PCDHGA3: variants seen among roughly 807,000 people sequenced by gnomAD.
PCDHGA3 encodes protocadherin gamma subfamily A, 3.
Under a neutral mutation model 58.5 loss-of-function variants are expected in PCDHGA3, and 40 were observed. The ratio of observed to expected loss-of-function variants is 0.68; its 90% CI spans 0.53 to 0.89. The LOEUF is 0.89. Among genes scored for constraint, PCDHGA3 ranks in the 40% least tolerant of loss-of-function variants. The pLI, the probability that PCDHGA3 is intolerant of heterozygous loss-of-function variation, is 0.00. For synonymous variants in PCDHGA3, 530 were observed against 525.7 expected, an observed-to-expected ratio of 1.01 and a Z score of -0.11; for missense variants, 1,223 against 1,195.9, an observed-to-expected ratio of 1.02 and a Z score of -0.33.
At chr5:141,458,359 A>C (rs2098943826) in intron 1 of PCDHGA3, among the ~76,000 whole-genome samples, 1 of 152,142 alleles carries the variant, frequency 6.6e-6, no homozygotes, top group Non-Finnish European at 1.5e-5. Context: ...AATAAGCAAG[A>C]AGGAAGGGAG....
intron 1 of PCDHGA3, among the ~76,000 whole-genome samples, chr5:141,459,220 A>G (rs1234283814): frequency 6.6e-6 from 1 of 152,234 alleles, no homozygotes; most frequent in Non-Finnish European, 1.5e-5. Flanking sequence ...CTCCAGCTCC[A>G]GGCAACAACT....
In PCDHGA3 at chr5:141,423,718, A is replaced by G. The variant is rs1450410707; in HGVS notation, c.2425-71089A>G. The G allele has an allele frequency of 4.8e-6, 5 of 1,049,028 alleles. No homozygotes were observed. In the East Asian group the frequency reaches 2.9e-4, roughly 60 times the overall value. 65.0% of individuals were successfully genotyped at this position (1,049,028 alleles called of 1,614,324 possible). On this transcript the variant is annotated intron_variant, in intron 1 of 3. Coordinates refer to ENST00000253812, the MANE Select transcript of PCDHGA3 (RefSeq NM_018916.4). The stretch of plus-strand genomic sequence containing the variant: ...GTGTCTTGGCACAAGTCTTTTAAGG[A>G]GATGTTTTTTGAGCCTGTTATGAAA...
intron 1 of PCDHGA3, among the ~76,000 whole-genome samples, chr5:141,462,223 G>A (rs563764515): frequency 2.0e-5 from 3 of 152,144 alleles, no homozygotes; most frequent in Admixed American, 2.0e-4. Flanking sequence ...GCCTCCCAAA[G>A]TGCAGGGATT....
At chr5:141,461,614 T>G (rs954890718) in intron 1 of PCDHGA3, among the ~76,000 whole-genome samples, 11 of 152,208 alleles carry the variant, frequency 7.2e-5, no homozygotes, top group Non-Finnish European at 1.2e-4. Flanking sequence ...TTCAAAGTAT[T>G]TTCTAATACA....
intron 1 of PCDHGA3, chr5:141,366,651 A>C (rs767855798): frequency 3.1e-6 from 5 of 1,614,244 alleles, no homozygotes; most frequent in Non-Finnish European, 3.4e-6. Context: ...CCCCAGCCCA[A>C]CTACGCAGAC....
intron 2 of PCDHGA3, among the ~76,000 whole-genome samples, chr5:141,503,984 C>T (rs967348519): frequency 2.0e-5 from 3 of 152,184 alleles, no homozygotes; most frequent in African/African-American, 7.2e-5. Context: ...AACCCTTCTT[C>T]TTACCTTACA....
intron 1 of PCDHGA3, chr5:141,376,645 T>C: frequency 9.9e-7 from 1 of 1,010,330 alleles, no homozygotes; most frequent in South Asian, 1.7e-5. Flanking sequence ...TTTTGTAAAG[T>C]GGAAGACTCC....
At chr5:141,352,705 G>C in intron 1 of PCDHGA3, 1 of 1,545,256 alleles carries the variant, frequency 6.5e-7, no homozygotes, top group Non-Finnish European at 8.7e-7. Context: ...TTTTATATAT[G>C]GCGGCCGGGC....
intron 1 of PCDHGA3, among the ~76,000 whole-genome samples, chr5:141,460,640 TGTTTACACATA>T (rs2098994223): frequency 6.6e-6 from 1 of 152,096 alleles, no homozygotes; most frequent in Admixed American, 6.6e-5. Flanking sequence ...TATATAACTG[TGTTTACACATA>T]TGTAACTGTA....
chr5:141,405,587 G>T, intron 1 of PCDHGA3: 1 of 585,648 alleles, frequency 1.7e-6, no homozygotes, highest in Non-Finnish European at 3.0e-6. Flanking sequence ...TGGGACTACA[G>T]GCCTCCCAAG....
At chr5:141,479,685 G>C (rs749895405) in intron 1 of PCDHGA3, 2 of 152,130 alleles carry the variant, frequency 1.3e-5, no homozygotes, top group Non-Finnish European at 2.9e-5. Context: ...AGTCTTTTTG[G>C]TGCCTCCAGT....
At chr5:141,423,558 G>A (rs770532900) in intron 1 of PCDHGA3, 1 of 1,613,462 alleles carries the variant, frequency 6.2e-7, no homozygotes, top group African/African-American at 1.3e-5. Flanking sequence ...CCAACTATGG[G>A]GACACGCTCA....
At chr5:141,386,849 C>G (rs1259863561) in intron 1 of PCDHGA3, among the ~76,000 whole-genome samples, 1 of 152,200 alleles carries the variant, frequency 6.6e-6, no homozygotes, top group Non-Finnish European at 1.5e-5. Context: ...AATCACTAAA[C>G]TCAGTGAGCT....
At chr5:141,350,723 C>A (rs1394081378) in intron 1 of PCDHGA3, 4 of 1,613,944 alleles carry the variant, frequency 2.5e-6, no homozygotes, top group Non-Finnish European at 3.4e-6. Context: ...GGATTCTGCT[C>A]AAGATGCAGA....
chr5:141,375,766 G>T (rs754916018), intron 1 of PCDHGA3: 5 of 1,614,270 alleles, frequency 3.1e-6, no homozygotes, highest in Non-Finnish European at 4.2e-6. Flanking sequence ...ATGCGCCCGA[G>T]ATCCTGTACC....
At chr5:141,367,536 C>CG (rs1376897976) in intron 1 of PCDHGA3, 1 of 106,510 alleles carries the variant, frequency 9.4e-6, no homozygotes, top group Admixed American at 1.0e-4. Flanking sequence ...GACTCCGTCT[C>CG]AAAATAAATA....
chr5:141,362,635 C>T (rs1762607896), intron 1 of PCDHGA3: 2 of 1,483,024 alleles, frequency 1.3e-6, no homozygotes, highest in Non-Finnish European at 1.8e-6. Context: ...CTGCGTATTT[C>T]TTTGTCTGTG....
intron 1 of PCDHGA3, chr5:141,405,580 G>T: frequency 1.7e-6 from 1 of 591,996 alleles, no homozygotes; most frequent in South Asian, 2.1e-5. Flanking sequence ...GAGTAGCTGG[G>T]ACTACAGGCC....
At chr5:141,359,215 T>C (rs758756538) in intron 1 of PCDHGA3, among the ~76,000 whole-genome samples, 3 of 152,162 alleles carry the variant, frequency 2.0e-5, no homozygotes, top group Non-Finnish European at 4.4e-5. Flanking sequence ...AGAGACAACT[T>C]ACATCTGAGG....
Sources: allele counts gnomAD v4.1 joint callset (sites outside exome capture counted in the v4.1 genomes callset), GRCh38; gene constraint gnomAD v4.1.1; transcripts MANE v1.5; gene names NCBI Gene and HGNC (gene_info 2026-07-23, HGNC 2026-07-21).